The following WDR17 variants were observed in gnomAD, a reference collection of about 807,000 sequenced individuals.
WDR17 encodes the protein WD repeat domain 17.
A neutral mutation model predicts 161.7 loss-of-function variants in WDR17; 143 were observed. The observed-to-expected ratio is 0.88, with a 90% CI of 0.77 to 1.02. The LOEUF (loss-of-function observed/expected upper bound fraction) is 1.02. Among genes scored for constraint, WDR17 ranks in the 50% least tolerant of loss-of-function variants. WDR17 has a pLI of 0.00. For missense variants in WDR17, 1,469 were observed against 1,520.9 expected (o/e 0.97, Z 0.57); for synonymous variants, 517 against 515.6 (o/e 1.00, Z -0.04).
chr4:176,168,791 G>A lies in WDR17; in HGVS notation c.3102+8G>A, dbSNP rs1454131670. 2 of 1,606,324 alleles carry A rather than the reference G, an allele frequency of 1.2e-6. No individual in the cohort carries two copies. Among genetic ancestry groups the A allele is most frequent in the Admixed American group, 3.4e-5 (2 of 58,804 alleles). On this transcript the variant is annotated splice_region_variant and intron_variant, in intron 23 of 28. Transcript: ENST00000508596. ...AATGACCTTCATGATAAGGTATGCT[G>A]ATGATGTTAAATATTCTGGTTTGGA...
chr4:176,073,566 C>A (rs925152677), intron 1 of WDR17, among the ~76,000 whole-genome samples: 3 of 151,432 alleles, frequency 2.0e-5, no homozygotes, highest in African/African-American at 7.3e-5. Flanking sequence ...AATAAACATA[C>A]GTGTGCATGT....
At chr4:176,163,432 A>G in intron 22 of WDR17, 139 bp downstream of exon 22, 1 of 1,019,334 alleles carries the variant, frequency 9.8e-7, no homozygotes, top group South Asian at 1.8e-5. Flanking sequence ...GTGGAAGGAA[A>G]TAATGATATA....
rs769803730 is a variant in WDR17 at position 176,146,067 on chromosome 4, A to G, written c.1602A>G (p.Pro534=). Residue 534 remains proline, a synonymous_variant, in exon 12 of 29, where the codon CCA becomes CCG. Transcript: ENST00000508596. The part of the protein sequence containing the change: ...VYYVATSSDQ[P]LKVFSGHTAK... ...ATGTAGCCACCAGCTCAGATCAACC[A>G]TTGAAAGTATTTAGTGGGCATACAG... 19 of 1,614,084 alleles carry G rather than the reference A, an allele frequency of 1.2e-5. No individual in the cohort carries two copies. Among genetic ancestry groups the G allele is most frequent in the Non-Finnish European group, 1.6e-5 (19 of 1,179,972 alleles).
In WDR17 at chr4:176,127,478, T is replaced by C. The variant is rs985519857; in HGVS notation, c.791-1260T>C. ...ACCTGGCTAATTTTTCTATTTTTAG[T>C]AGAGACGGTGTTTTACCATGTTGGC... is the stretch of plus-strand genomic sequence containing the variant. On this transcript the variant is annotated intron_variant, in intron 5 of 28. Transcript: ENST00000508596. Among the ~76,000 whole-genome samples, 4 of 152,186 alleles carry C rather than the reference T, an allele frequency of 2.6e-5. No individual in the cohort carries two copies. The East Asian group carries it at 7.8e-4, about 30-fold the overall frequency.
rs1720863826 is a variant in WDR17, at chr4:176,115,913, G to A, written c.241G>A (p.Asp81Asn). ...NPDLFASGSTDNLVIIWNVAE... is the reference protein window; with the variant it reads ...NPDLFASGSTNNLVIIWNVAE... ...TGATCTGTTTGCAAGTGGCAGTACT[G>A]ATAATTTAGTGATCATTTGGAATGT... Residue 81 changes from aspartate (D) to asparagine (N), a missense_variant, in exon 3 of 29, where the codon GAT becomes AAT. Physicochemically the swap from Asp to Asn is conservative, Grantham distance 23 (BLOSUM62 1). Coordinates refer to ENST00000508596, the MANE Select transcript of WDR17 (RefSeq NM_181265.4). 1 of 1,610,358 alleles carries A rather than the reference G, an allele frequency of 6.2e-7. No individual in the cohort carries two copies. The highest frequency in any genetic ancestry group is 1.3e-5 in the African/African-American group (1 of 74,714).
chr4:176,133,188 T>G (rs530136671), intron 7 of WDR17, among the ~76,000 whole-genome samples: 1 of 145,774 alleles, frequency 6.9e-6, no homozygotes, highest in African/African-American at 2.5e-5. Flanking sequence ...ATTTTTATTT[T>G]TTTTTTTTTA....
chr4:176,150,351 A>G (rs1746922409), intron 15 of WDR17, 117 bp from the exon 16 acceptor site: 16 of 1,446,724 alleles, frequency 1.1e-5, no homozygotes, highest in Non-Finnish European at 1.5e-5. Flanking sequence ...GATAACATGT[A>G]GTTATTTTGT....
intron 4 of WDR17, among the ~76,000 whole-genome samples, chr4:176,123,405 A>C (rs1417584719): frequency 6.6e-6 from 1 of 152,098 alleles, no homozygotes; most frequent in Non-Finnish European, 1.5e-5. Context: ...GTCACAACAC[A>C]CACACTGAGG....
chr4:176,127,562 C>T (rs888241029), intron 5 of WDR17, among the ~76,000 whole-genome samples: 6 of 152,192 alleles, frequency 3.9e-5, no homozygotes, highest in Non-Finnish European at 8.8e-5. Flanking sequence ...TCCCAAAGTG[C>T]TGGGAATACA....
intron 22 of WDR17, among the ~76,000 whole-genome samples, chr4:176,168,125 C>T (rs930208747): frequency 2.7e-5 from 4 of 150,918 alleles, no homozygotes; most frequent in African/African-American, 9.8e-5. Context: ...CCAGCCTGGG[C>T]GACAGAGGGA....
At chr4:176,129,997 C>T (rs1261290822) in intron 6 of WDR17, among the ~76,000 whole-genome samples, 3 of 151,980 alleles carry the variant, frequency 2.0e-5, no homozygotes, top group Non-Finnish European at 4.4e-5. Context: ...TAGCCCATGT[C>T]CATTAGACAA....
chr4:176,072,151 T>C (rs1338280838), intron 1 of WDR17, among the ~76,000 whole-genome samples: 2 of 152,204 alleles, frequency 1.3e-5, no homozygotes, highest in African/African-American at 4.8e-5. Context: ...TGGGAATGCT[T>C]AGATAACACT....
intron 1 of WDR17, among the ~76,000 whole-genome samples, chr4:176,102,590 AC>A (rs1378943724): frequency 2.6e-5 from 4 of 152,274 alleles, no homozygotes; most frequent in African/African-American, 9.6e-5. Flanking sequence ...CACAGAAGCA[AC>A]AAGTATGTCC....
intron 1 of WDR17, among the ~76,000 whole-genome samples, chr4:176,066,475 T>A (rs895611166): frequency 6.6e-6 from 1 of 152,178 alleles, no homozygotes; most frequent in Non-Finnish European, 1.5e-5. Context: ...GATGGACTTA[T>A]TAGTAGGGTT....
Position 176,115,953 on chromosome 4 carries a change from T to G in WDR17, c.281T>G (p.Val94Gly), listed in dbSNP as rs1229697774. 2 of 1,607,936 alleles carry G rather than the reference T, an allele frequency of 1.2e-6. No individual in the cohort carries two copies. Among genetic ancestry groups the G allele is most frequent in the East Asian group, 4.5e-5 (2 of 44,418 alleles). ...ATTTGGAATGTTGCAGAACAAAAAG[T>G]CATTGCTAAACTCGACAGTACAAAA... ...VIIWNVAEQKVIAKLDSTKGI... is the reference protein window; with the variant it reads ...VIIWNVAEQKGIAKLDSTKGI... Residue 94 changes from valine to glycine, a missense_variant, in exon 3 of 29, where the codon GTC (valine) becomes GGC (glycine). By Grantham distance (109) the Val-to-Gly change is moderately radical. Coordinates refer to ENST00000508596, the MANE Select transcript of WDR17 (RefSeq NM_181265.4).
rs543582995 is a variant in WDR17, at chr4:176,180,737, T to C, written c.*1158T>C. 1.3e-5 allele frequency: 2 copies of C among 152,166 alleles called. No homozygotes were observed. Among genetic ancestry groups the C allele is most frequent in the Admixed American group, 6.5e-5 (1 of 15,280 alleles). 9.4% of individuals were successfully genotyped at this position (152,166 alleles called of 1,614,324 possible). Reference sequence around the variant, plus strand: ...AAAAACAAACCAACAAAAACCACAATTGATTTGATGAAAATTAGTTTTAAG... The same window carrying C: ...AAAAACAAACCAACAAAAACCACAACTGATTTGATGAAAATTAGTTTTAAG... On this transcript the variant is annotated 3_prime_UTR_variant, in exon 29 of 29. Transcript: ENST00000508596.
chr4:176,165,823 T>C (rs1472303261), intron 22 of WDR17, among the ~76,000 whole-genome samples: 1 of 152,184 alleles, frequency 6.6e-6, no homozygotes, highest in Non-Finnish European at 1.5e-5. Context: ...AAAACAAACT[T>C]CTTCCTTGTA....
At chr4:176,114,106 T>C (rs1740215435) in intron 2 of WDR17, among the ~76,000 whole-genome samples, 1 of 152,072 alleles carries the variant, frequency 6.6e-6, no homozygotes, top group Non-Finnish European at 1.5e-5. Context: ...ATAGATTCTT[T>C]TACTGAATTT....
intron 1 of WDR17, among the ~76,000 whole-genome samples, chr4:176,105,562 A>G (rs1032101025): frequency 1.3e-5 from 2 of 152,136 alleles, no homozygotes; most frequent in Non-Finnish European, 2.9e-5. Context: ...AATAACAGAA[A>G]GAAAACTGAA....
Sources: gnomAD v4.1 joint callset for allele counts (sites outside exome capture counted in the v4.1 genomes callset) on GRCh38, gnomAD v4.1.1 for gene constraint, MANE v1.5 for transcripts, NCBI Gene and HGNC (gene_info 2026-07-23, HGNC 2026-07-21) for gene names.